The following THEMIS variants were observed in gnomAD, a reference collection of about 807,000 sequenced individuals.
THEMIS encodes protein THEMIS.
In THEMIS, 37 loss-of-function variants were observed where a neutral mutation model predicts 52.6. The ratio of observed to expected loss-of-function variants is 0.70; its 90% confidence interval spans 0.54 to 0.93. The LOEUF is 0.93. Ranked by LOEUF, THEMIS falls within the 40% of genes least tolerant of loss-of-function variation. The pLI is 0.00. For synonymous variants in THEMIS, 292 were observed against 272.7 expected (o/e 1.07, Z -0.70); for missense variants, 808 against 763.1 (o/e 1.06, Z -0.69).
At chr6:127,748,415 T>A (rs1775522433) in intron 4 of THEMIS, among the ~76,000 whole-genome samples, 1 of 152,034 alleles carries the variant, frequency 6.6e-6, no homozygotes, top group Non-Finnish European at 1.5e-5. Flanking sequence ...TCTCACTTTA[T>A]AACAATCCAC....
At position 127,765,018 on chromosome 6, in the gene THEMIS, C is replaced by T. The variant is rs1435069387; in HGVS notation, c.1759-45195G>A. Among the ~76,000 whole-genome samples the T allele has an allele frequency of 2.0e-5, 3 of 151,912 alleles. No individual in the cohort carries two copies. In the East Asian group the frequency reaches 5.8e-4, roughly 29 times the overall value. ...AAATCTAATCTTATTACAGGAGACCCTTACATTCTCCAGGGATACCCGTTG... is the reference window on the plus strand; with the variant it reads ...AAATCTAATCTTATTACAGGAGACCTTTACATTCTCCAGGGATACCCGTTG... On this transcript the variant is annotated intron_variant, in intron 4 of 5. Transcript: ENST00000368248.
intron 3 of THEMIS, among the ~76,000 whole-genome samples, 165 bp from the exon 4 acceptor site, chr6:127,814,096 T>C (rs1490936540): frequency 6.6e-6 from 1 of 152,168 alleles, no homozygotes; most frequent in Non-Finnish European, 1.5e-5. Flanking sequence ...AATTTTAAGA[T>C]GAAAGAGATT....
chr6:127,768,692 G>A (rs1333175797), intron 4 of THEMIS, among the ~76,000 whole-genome samples: 1 of 152,150 alleles, frequency 6.6e-6, no homozygotes, highest in Admixed American at 6.6e-5. Context: ...CATTCAGACA[G>A]TTATTTAGAT....
At chr6:127,883,225 C>G (rs1780540452) in intron 1 of THEMIS, among the ~76,000 whole-genome samples, 3 of 151,860 alleles carry the variant, frequency 2.0e-5, no homozygotes, top group Non-Finnish European at 4.4e-5. Context: ...GATAGCATTT[C>G]CTATAAGATT....
chr6:127,890,322 C>T, intron 1 of THEMIS, among the ~76,000 whole-genome samples: 1 of 152,138 alleles, frequency 6.6e-6, no homozygotes, highest in Non-Finnish European at 1.5e-5. Flanking sequence ...ATGACTTCTG[C>T]TAAAAATAGA....
At chr6:127,836,891 A>G (rs1778890385) in intron 2 of THEMIS, among the ~76,000 whole-genome samples, 1 of 152,096 alleles carries the variant, frequency 6.6e-6, no homozygotes, top group Admixed American at 6.6e-5. Context: ...ACACCTGAAC[A>G]GCTCTGAGAT....
At chr6:127,797,950 C>G (rs981523003) in intron 4 of THEMIS, among the ~76,000 whole-genome samples, 1 of 152,176 alleles carries the variant, frequency 6.6e-6, no homozygotes, top group African/African-American at 2.4e-5. Flanking sequence ...ATTTTGTTCT[C>G]AGGCTTTGGT....
At chr6:127,784,187 G>A (rs1038649116) in intron 4 of THEMIS, among the ~76,000 whole-genome samples, 1 of 152,130 alleles carries the variant, frequency 6.6e-6, no homozygotes, top group African/African-American at 2.4e-5. Context: ...GTTGAACAAT[G>A]AGAACACATG....
Position 127,725,567 on chromosome 6 carries a change from C to T in THEMIS, c.1759-5744G>A, listed in dbSNP as rs191913408. ...AAAAACTAATTAATTCATCATTGTG[C>T]ATTATAAAGGTCCATAATATGATAG... On this transcript the variant is annotated intron_variant, in intron 4 of 5. Coordinates refer to ENST00000368248, the MANE Select transcript of THEMIS (RefSeq NM_001010923.3). 1.6e-3 allele frequency among the ~76,000 whole-genome samples: 248 copies of T among 151,918 alleles called. 2 individuals are homozygous for T. The highest frequency in any genetic ancestry group is 5.9e-3 in the African/African-American group (245 of 41,426).
At chr6:127,726,991 C>T (rs1442193210) in intron 4 of THEMIS, among the ~76,000 whole-genome samples, 2 of 152,082 alleles carry the variant, frequency 1.3e-5, no homozygotes, top group African/African-American at 4.8e-5. Context: ...GATAAAAATT[C>T]CTTCTACTCT....
chr6:127,732,446 A>T (rs1287566307), intron 4 of THEMIS, among the ~76,000 whole-genome samples: 1 of 152,202 alleles, frequency 6.6e-6, no homozygotes, highest in African/African-American at 2.4e-5. Flanking sequence ...CTAAGGACAC[A>T]GCTCAATGAC....
At chr6:127,837,657 TTTTAA>T (rs1337794803) in intron 2 of THEMIS, among the ~76,000 whole-genome samples, 1 of 151,876 alleles carries the variant, frequency 6.6e-6, no homozygotes, top group Non-Finnish European at 1.5e-5. Context: ...CTCAAAAAAA[TTTTAA>T]CAAATTTAAA....
intron 3 of THEMIS, among the ~76,000 whole-genome samples, chr6:127,818,582 CA>C (rs201551010): frequency 0.1 from 11,338 of 110,914 alleles, 500 homozygotes; most frequent in Non-Finnish European, 0.15. Context: ...GTCTGGCTTT[CA>C]AAAAAAAAAA....
At chr6:127,801,418 A>G (rs1777530853) in intron 4 of THEMIS, among the ~76,000 whole-genome samples, 1 of 152,164 alleles carries the variant, frequency 6.6e-6, no homozygotes, top group Non-Finnish European at 1.5e-5. Context: ...TGAGTGGCTG[A>G]CCTGCAACAA....
At chr6:127,828,083 C>G (rs1225757692) in intron 3 of THEMIS, among the ~76,000 whole-genome samples, 2 of 152,126 alleles carry the variant, frequency 1.3e-5, no homozygotes, top group African/African-American at 4.8e-5. Context: ...CCTATGCATC[C>G]TTTGAGCCTT....
chr6:127,731,763 T>C (rs1054179886), intron 4 of THEMIS, among the ~76,000 whole-genome samples: 1 of 146,528 alleles, frequency 6.8e-6, no homozygotes, highest in African/African-American at 2.5e-5. Context: ...AGCGGCGCGA[T>C]CTTGGCTCAC....
intron 4 of THEMIS, among the ~76,000 whole-genome samples, chr6:127,765,611 C>A (rs1776169946): frequency 6.6e-6 from 1 of 152,062 alleles, no homozygotes; most frequent in Non-Finnish European, 1.5e-5. Context: ...AGTCAAAGAA[C>A]CACACATACA....
chr6:127,877,093 C>T (rs868636773), intron 1 of THEMIS, among the ~76,000 whole-genome samples: 3 of 152,140 alleles, frequency 2.0e-5, no homozygotes, highest in African/African-American at 4.8e-5. Flanking sequence ...CAATGTGTTG[C>T]TAAAAACTGC....
intron 1 of THEMIS, among the ~76,000 whole-genome samples, chr6:127,911,468 T>C (rs1781409596): frequency 6.6e-6 from 1 of 151,280 alleles, no homozygotes; most frequent in Non-Finnish European, 1.5e-5. Flanking sequence ...ATATATTTTA[T>C]ACTTTAAGTT....
Sources: allele counts gnomAD v4.1 joint callset (sites outside exome capture counted in the v4.1 genomes callset), GRCh38; gene constraint gnomAD v4.1.1; transcripts MANE v1.5; gene names NCBI Gene and HGNC (gene_info 2026-07-23, HGNC 2026-07-21).